ROCK1: variants seen among roughly 807,000 people sequenced by gnomAD.
The protein encoded by ROCK1 is rho-associated protein kinase 1.
Under a neutral mutation model 196.8 loss-of-function variants are expected in ROCK1, and 36 were observed. The observed-to-expected ratio is 0.18, with a 90% CI of 0.14 to 0.24. The LOEUF is 0.24. ROCK1 is among the 10% of genes least tolerant of loss of function. The pLI is 1.00. For missense variants in ROCK1, 920 were observed against 1,562.0 expected, an observed-to-expected ratio of 0.59 and a Z score of 6.93; for synonymous variants, 443 against 515.9, an observed-to-expected ratio of 0.86 and a Z score of 1.91.
At chr18:21,102,052 GTA>G (rs777085765) in intron 1 of ROCK1, among the ~76,000 whole-genome samples, 1 of 151,998 alleles carries the variant, frequency 6.6e-6, no homozygotes, top group Non-Finnish European at 1.5e-5. Context: ...CTACTTCTGC[GTA>G]TATTTGAAAT....
intron 1 of ROCK1, among the ~76,000 whole-genome samples, chr18:21,099,012 G>C (rs149936278): frequency 6.6e-6 from 1 of 152,282 alleles, no homozygotes; most frequent in South Asian, 2.1e-4. Context: ...ACTCTTAGGA[G>C]AGGGAGAATA....
chr18:21,007,106 A>T (rs1450777906), intron 14 of ROCK1, among the ~76,000 whole-genome samples: 1 of 152,140 alleles, frequency 6.6e-6, no homozygotes, highest in South Asian at 2.1e-4. Flanking sequence ...CAAGAGTTCA[A>T]TTGCTTGATA....
intron 1 of ROCK1, among the ~76,000 whole-genome samples, chr18:21,076,050 A>G (rs1408981626): frequency 6.6e-6 from 1 of 152,146 alleles, no homozygotes; most frequent in Non-Finnish European, 1.5e-5. Flanking sequence ...AAGGAAGCTG[A>G]GAAGGAACTT....
intron 4 of ROCK1, among the ~76,000 whole-genome samples, chr18:21,045,815 G>A (rs552414866): frequency 6.7e-6 from 1 of 150,154 alleles, no homozygotes; most frequent in Non-Finnish European, 1.5e-5. Flanking sequence ...TTTAACTTGT[G>A]CATCAGTGGG....
intron 12 of ROCK1, 119 bp from the exon 13 acceptor site, chr18:21,015,598 T>A: frequency 4.4e-6 from 3 of 680,512 alleles, no homozygotes; most frequent in Non-Finnish European, 7.8e-6. Flanking sequence ...CTTGGTGCCA[T>A]GGATCTCTTT....
chr18:21,043,561 A>C (rs1472366252), intron 6 of ROCK1, among the ~76,000 whole-genome samples: 2 of 139,828 alleles, frequency 1.4e-5, no homozygotes, highest in Non-Finnish European at 3.0e-5. Context: ...TTATATGTAT[A>C]TACATATACA....
intron 9 of ROCK1, among the ~76,000 whole-genome samples, chr18:21,030,177 T>C (rs1422257912): frequency 6.6e-6 from 1 of 152,134 alleles, no homozygotes; most frequent in Admixed American, 6.5e-5. Flanking sequence ...ATTTGTAAAA[T>C]GAGGTGAAAA....
chr18:21,102,862 T>C (rs1253760122), intron 1 of ROCK1, among the ~76,000 whole-genome samples: 1 of 150,454 alleles, frequency 6.6e-6, no homozygotes, highest in African/African-American at 2.4e-5. Flanking sequence ...CCAGACCCTG[T>C]CTCAAAAAAA....
At chr18:20,968,743 C>T in intron 25 of ROCK1, 29 bp downstream of exon 25, 1 of 1,310,012 alleles carries the variant, frequency 7.6e-7, no homozygotes, top group East Asian at 2.3e-5. Context: ...CAAAAATGAA[C>T]ATGTGGAAAA....
Position 20,949,470 on chromosome 18 carries a change from CAGTGGGT to C in ROCK1, c.*1907_*1913del, listed in dbSNP as rs1180439982. The C allele has an allele frequency of 6.6e-6, 1 of 152,372 alleles. No individual in the cohort carries two copies. Among genetic ancestry groups the C allele is most frequent in the African/African-American group, 2.4e-5 (1 of 41,482 alleles). 9.4% of individuals were successfully genotyped at this position (152,372 alleles called of 1,614,324 possible). ...GTGGCCCAGGTGGGTGCTGAGCACA[CAGTGGGT>C]TTGCATCATAGGTGGGAGACGTTAT... is the stretch of plus-strand genomic sequence containing the variant. On this transcript the variant is annotated 3_prime_UTR_variant, in exon 33 of 33. Coordinates refer to ENST00000399799, the MANE Select transcript of ROCK1 (RefSeq NM_005406.3).
intron 16 of ROCK1, among the ~76,000 whole-genome samples, chr18:21,005,484 CT>C (rs1483020094): frequency 1.3e-5 from 2 of 152,184 alleles, no homozygotes; most frequent in Admixed American, 1.3e-4. Flanking sequence ...GTTAATTTGT[CT>C]GTAAAACTGA....
chr18:21,014,591 A>C (rs1342257614), intron 13 of ROCK1, among the ~76,000 whole-genome samples: 1 of 152,230 alleles, frequency 6.6e-6, no homozygotes, highest in Non-Finnish European at 1.5e-5. Flanking sequence ...GAAGATATGC[A>C]AAAAAGGACT....
chr18:21,038,162 G>C (rs1329656709), intron 9 of ROCK1, among the ~76,000 whole-genome samples: 2 of 152,088 alleles, frequency 1.3e-5, no homozygotes, highest in African/African-American at 4.8e-5. Context: ...CACAAAAAGT[G>C]TTTTGATGTA....
chr18:21,000,314 G>A (rs2035712626), intron 16 of ROCK1, among the ~76,000 whole-genome samples: 1 of 151,750 alleles, frequency 6.6e-6, no homozygotes, highest in African/African-American at 2.4e-5. Flanking sequence ...CCATGCTGGA[G>A]TGCAATGGTG....
chr18:21,033,980 G>A (rs1478378244), intron 9 of ROCK1, among the ~76,000 whole-genome samples: 1 of 144,032 alleles, frequency 6.9e-6, no homozygotes, highest in Non-Finnish European at 1.5e-5. Flanking sequence ...CTTGCCGTGA[G>A]CCGAGATCGA....
intron 29 of ROCK1, 42 bp downstream of exon 29, chr18:20,959,798 T>A: frequency 9.9e-7 from 1 of 1,014,018 alleles, no homozygotes; most frequent in Non-Finnish European, 1.4e-6. Flanking sequence ...TTATCAAAAG[T>A]TAGCTCTCAA....
chr18:21,095,241 C>G, intron 1 of ROCK1, among the ~76,000 whole-genome samples: 1 of 151,558 alleles, frequency 6.6e-6, no homozygotes, highest in Non-Finnish European at 1.5e-5. Flanking sequence ...GAAACGGGAA[C>G]TCTCCTACAA....
At chr18:21,106,371 C>G (rs527398030) in intron 1 of ROCK1, among the ~76,000 whole-genome samples, 4 of 152,154 alleles carry the variant, frequency 2.6e-5, no homozygotes, top group African/African-American at 9.7e-5. Flanking sequence ...GGCACAATCT[C>G]GGCTCACTGC....
intron 21 of ROCK1, among the ~76,000 whole-genome samples, chr18:20,980,775 G>T (rs565080885): frequency 6.6e-6 from 1 of 151,916 alleles, no homozygotes; most frequent in Non-Finnish European, 1.5e-5. Flanking sequence ...AATTAGCTGG[G>T]CGTGGTGGCA....
Sources: gnomAD v4.1 joint callset for allele counts (sites outside exome capture counted in the v4.1 genomes callset) on GRCh38, gnomAD v4.1.1 for gene constraint, MANE v1.5 for transcripts, NCBI Gene and HGNC (gene_info 2026-07-23, HGNC 2026-07-21) for gene names.